ODAD1: variants seen among roughly 807,000 people sequenced by gnomAD.
ODAD1 encodes outer dynein arm-docking complex subunit 1.
In ODAD1, 49 loss-of-function variants were observed where a neutral mutation model predicts 67.2. The ratio of observed to expected loss-of-function variants is 0.73; its 90% CI spans 0.58 to 0.92. The LOEUF (loss-of-function observed/expected upper bound fraction) is 0.92, where lower values mean the gene tolerates loss of function less well. Among genes scored for constraint, ODAD1 ranks in the 40% least tolerant of loss-of-function variants. The pLI is 0.00. For missense variants in ODAD1, 897 were observed against 953.7 expected, an observed-to-expected ratio of 0.94 and a Z score of 0.78; for synonymous variants, 345 against 393.7, an observed-to-expected ratio of 0.88 and a Z score of 1.46.
rs200855924 is a variant in ODAD1, at chr19:48,298,304, C to T, written c.1277G>A (p.Ser426Asn). 1 of 1,614,212 alleles carries T rather than the reference C, an allele frequency of 6.2e-7. No homozygotes were observed. The highest frequency in any genetic ancestry group is 8.5e-7 in the Non-Finnish European group (1 of 1,180,038). The change falls in exon 13 of 16, where the codon AGC becomes AAC. Residue 426 changes from serine (S) to asparagine (N), a missense_variant. By Grantham distance (46) the Ser-to-Asn change is conservative (BLOSUM62 1). Coordinates refer to ENST00000674294, the MANE Select transcript of ODAD1 (RefSeq NM_001364171.2). ...CCCAAGGAGGTCATCGATCATGCTG[C>T]TGTCGCAATGGGCCTTGGTGAAGAG... ...QLLFTKAHCD[S>N]SMIDDLLGVK...
intron 10 of ODAD1, 45 bp downstream of exon 10, chr19:48,303,605 T>A (rs1384566737): frequency 6.2e-7 from 1 of 1,611,682 alleles, no homozygotes; most frequent in Non-Finnish European, 8.5e-7. Context: ...ACTCAGGGGG[T>A]GCCGGGGTCC....
At chr19:48,318,339 A>G (rs1968955034) in intron 5 of ODAD1, 48 bp downstream of exon 5, 1 of 1,501,986 alleles carries the variant, frequency 6.7e-7, no homozygotes, top group Admixed American at 2.0e-5. Context: ...GGGAGGTTAC[A>G]ACACTTGCCC....
Position 48,296,679 on chromosome 19 carries a change from G to T in ODAD1, c.*297C>A. On this transcript the variant is annotated 3_prime_UTR_variant, in exon 16 of 16. Coordinates refer to ENST00000674294, the MANE Select transcript of ODAD1 (RefSeq NM_001364171.2). The stretch of plus-strand genomic sequence containing the variant: ...GGGATCCACAGGGGGCCAGGGCTCA[G>T]CAGACAGGGAAGGGGCAGATATGGA... The T allele has an allele frequency of 1.0e-6, 1 of 975,626 alleles. No homozygotes were observed. The highest frequency in any genetic ancestry group is 1.3e-6 in the Non-Finnish European group (1 of 756,600). The allele number at this position is 975,626 out of a possible 1,614,324, so 60.4% of individuals were successfully genotyped here.
At chr19:48,319,532 G>A (rs1968985672) in intron 3 of ODAD1, 1 of 643,284 alleles carries the variant, frequency 1.6e-6, no homozygotes, top group South Asian at 6.9e-5. Flanking sequence ...AATGTCTGGA[G>A]ACTTATTTTT....
At chr19:48,318,649 G>A in intron 4 of ODAD1, 64 bp downstream of exon 4, 11 of 1,535,628 alleles carry the variant, frequency 7.2e-6, no homozygotes, top group Non-Finnish European at 9.7e-6. Context: ...CAGGACCCAG[G>A]AGTCCAGTCT....
chr19:48,311,610 C>T lies in ODAD1; in HGVS notation c.540G>A (p.Leu180=). Residue 180 remains leucine (L), a synonymous_variant, in exon 7 of 16, where the codon CTG becomes CTA. Coordinates refer to ENST00000674294, the MANE Select transcript of ODAD1 (RefSeq NM_001364171.2). ...LVRNAALREE[L]DLLRIDRNRY... The stretch of plus-strand genomic sequence containing the variant: ...GGTTCCTGTCGATCCGCAGCAGATC[C>T]AGCTCCTCCCGCAGGGCCGCATTCC... 1.3e-6 allele frequency: 2 copies of T among 1,551,458 alleles called. No individual in the cohort carries two copies. The highest frequency in any genetic ancestry group is 1.7e-6 in the Non-Finnish European group (2 of 1,146,838).
chr19:48,305,887 C>T (rs957433009), intron 8 of ODAD1, among the ~76,000 whole-genome samples: 8 of 151,918 alleles, frequency 5.3e-5, no homozygotes, highest in Admixed American at 2.6e-4. Context: ...GGTGAAACCC[C>T]ATCTCTACTA....
rs960251356 is a variant in ODAD1 at position 48,318,469 on chromosome 19, A to C, written c.278T>G (p.Met93Arg). Reference sequence around the variant, plus strand: ...GGCCCGGCCCTTCAGCAGGCGGTCCATGTTCTCCAGCCGCTGACTGTCCCG... The same window carrying C: ...GGCCCGGCCCTTCAGCAGGCGGTCCCTGTTCTCCAGCCGCTGACTGTCCCG... ...RLRDSQRLEN[M>R]DRLLKGRAQV... The change falls in exon 5 of 16, where the codon ATG becomes AGG. Residue 93 changes from methionine to arginine, a missense_variant. Transcript: ENST00000674294. The C allele has an allele frequency of 5.2e-6, 8 of 1,551,504 alleles. No individual in the cohort carries two copies. The highest frequency in any genetic ancestry group is 2.0e-5 in the Admixed American group (1 of 50,984).
chr19:48,297,656 C>CA lies in ODAD1; in HGVS notation c.1514_1515insT (p.Glu508Ter). ...GGTAGTCATCGCTGGCCTCAAAACCCGGGGGGTCTTCTCTGGGGAGGGGAA... is the reference window on the plus strand; with the variant it reads ...GGTAGTCATCGCTGGCCTCAAAACCCAGGGGGGTCTTCTCTGGGGAGGGGAA... On this transcript the variant is annotated frameshift_variant, in exon 15 of 16. Transcript: ENST00000674294. LOFTEE classifies it high-confidence loss of function. The CA allele has an allele frequency of 6.6e-7, 1 of 1,515,206 alleles. No individual in the cohort carries two copies. Among genetic ancestry groups the CA allele is most frequent in the Non-Finnish European group, 8.8e-7 (1 of 1,133,450 alleles). The allele number at this position is 1,515,206 out of a possible 1,614,324, so 93.9% of individuals were successfully genotyped here.
In ODAD1 at chr19:48,311,666, C is replaced by G; in HGVS notation, c.484G>C (p.Val162Leu). ...AGCTGGTTGTCAAAGTGACAGGTGA[C>G]CTGGGAGTAGAAAGGTGGATGGAAG... is the stretch of plus-strand genomic sequence containing the variant. ...IRILENQLDR[V>L]TCHFDNQLVR... The change falls in exon 7 of 16, where the codon GTC (valine) becomes CTC (leucine). Residue 162 changes from valine to leucine, a missense_variant and splice_region_variant. Transcript: ENST00000674294. 6.5e-7 allele frequency: 1 copy of G among 1,534,874 alleles called. No individual in the cohort carries two copies. The highest frequency in any genetic ancestry group is 8.8e-7 in the Non-Finnish European group (1 of 1,131,668).
intron 12 of ODAD1, among the ~76,000 whole-genome samples, chr19:48,298,859 T>C (rs917082195): frequency 2.0e-5 from 3 of 152,188 alleles, no homozygotes; most frequent in African/African-American, 4.8e-5. Flanking sequence ...CTCTCCCCAC[T>C]GTGCCCACAT....
Position 48,297,514 on chromosome 19 carries a change from T to G in ODAD1, c.1586A>C (p.Glu529Ala). 1 of 1,604,470 alleles carries G rather than the reference T, an allele frequency of 6.2e-7. No homozygotes were observed. Among genetic ancestry groups the G allele is most frequent in the Non-Finnish European group, 8.5e-7 (1 of 1,176,140 alleles). ...ELLSQVEKLV[E>A]LQEQAEAQRQ... ...CTGCGCCTCCGCCTGCTCCTGGAGC[T>G]CCACCTGCAGGGAAGGTGAACTGGG... Residue 529 changes from glutamate to alanine, a missense_variant, in exon 16 of 16, where the codon GAG becomes GCG. Coordinates refer to ENST00000674294, the MANE Select transcript of ODAD1 (RefSeq NM_001364171.2).
intron 12 of ODAD1, among the ~76,000 whole-genome samples, 192 bp downstream of exon 12, chr19:48,302,502 C>T (rs1270965973): frequency 6.6e-6 from 1 of 150,982 alleles, no homozygotes; most frequent in Non-Finnish European, 1.5e-5. Context: ...GTTGGAGGGA[C>T]AGATGATGGA....
chr19:48,300,522 G>C (rs1290327102), intron 12 of ODAD1, among the ~76,000 whole-genome samples: 1 of 151,714 alleles, frequency 6.6e-6, no homozygotes, highest in African/African-American at 2.4e-5. Context: ...ACTACAAAAA[G>C]AAAATTTCAT....
At position 48,304,097 on chromosome 19, in the gene ODAD1, CCG is replaced by C; in HGVS notation, c.707_708del (p.Ala236GlyfsTer46). 2 of 1,613,584 alleles carry C rather than the reference CCG, an allele frequency of 1.2e-6. No homozygotes were observed. The highest frequency in any genetic ancestry group is 1.7e-6 in the Non-Finnish European group (2 of 1,179,766). On this transcript the variant is annotated frameshift_variant, in exon 9 of 16. Transcript: ENST00000674294. LOFTEE classifies it high-confidence loss of function. ...ATCTCGCTCTGGGCCTCCTCTTTCT[CCG>C]CGCGCTCCCGCAGCAAGCCCATCTT... is the stretch of plus-strand genomic sequence containing the variant. ...KAKMGLLRER[A>X]EKEEAQSEME...
rs74925056 is a variant in ODAD1, at chr19:48,297,076, G to A, written c.2024C>T (p.Ser675Leu). The A allele has an allele frequency of 0.038, 60,494 of 1,613,142 alleles. 1,204 individuals carry two copies. Among genetic ancestry groups the A allele is most frequent in the African/African-American group, 0.073 (5,479 of 74,968 alleles). ...GVESGGTASD[S>L]SGGLGSSRDH... ...TCTGCTGGACCCGAGGCCTCCGCTC[G>A]AATCAGACGCTGTGCCTCCGCTCTC... The change falls in exon 16 of 16, where the codon TCG becomes TTG. Residue 675 changes from serine (S) to leucine (L), a missense_variant. By Grantham distance (145) the Ser-to-Leu change is moderately radical. Coordinates refer to ENST00000674294, the MANE Select transcript of ODAD1 (RefSeq NM_001364171.2).
At chr19:48,303,245 G>A in intron 10 of ODAD1, 150 bp from the exon 11 acceptor site, 1 of 673,454 alleles carries the variant, frequency 1.5e-6, no homozygotes, top group Non-Finnish European at 2.7e-6. Flanking sequence ...GAACAGAGAG[G>A]AGTCACAGAG....
chr19:48,319,551 A>G (rs537274940), intron 3 of ODAD1: 1 of 428,720 alleles, frequency 2.3e-6, no homozygotes, highest in Non-Finnish European at 3.1e-6. Context: ...TTTTCTAGAC[A>G]GGGTCTCGCT....
chr19:48,320,446 G>A, intron 2 of ODAD1, 55 bp from the exon 3 acceptor site: 1 of 1,031,362 alleles, frequency 9.7e-7, no homozygotes, highest in Non-Finnish European at 1.3e-6. Context: ...AGGGCCCAGA[G>A]AGGGTGGACA....
Sources: allele counts gnomAD v4.1 joint callset (sites outside exome capture counted in the v4.1 genomes callset), GRCh38; gene constraint gnomAD v4.1.1; transcripts MANE v1.5; gene names NCBI Gene and HGNC (gene_info 2026-07-23, HGNC 2026-07-21).